Variants in ASTN2 observed in about 807,000 individuals in gnomAD.
ASTN2 encodes astrotactin-2.
A neutral mutation model predicts 139.8 loss-of-function variants in ASTN2; 54 were observed. That is an observed-to-expected ratio of 0.39 (90% CI 0.31 to 0.48). ASTN2 has a LOEUF of 0.48. Ranked by LOEUF, ASTN2 falls within the 20% of genes least tolerant of loss-of-function variation. The pLI is 0.95. For missense variants in ASTN2, 1,565 were observed against 1,725.1 expected, an observed-to-expected ratio of 0.91 and a Z score of 1.64; for synonymous variants, 756 against 719.5, an observed-to-expected ratio of 1.05 and a Z score of -0.81.
At chr9:117,306,066 C>T (rs1286431297) in intron 1 of ASTN2, among the ~76,000 whole-genome samples, 1 of 152,178 alleles carries the variant, frequency 6.6e-6, no homozygotes. Flanking sequence ...TTTGAATATC[C>T]TCTTCAGGCC....
intron 2 of ASTN2, among the ~76,000 whole-genome samples, chr9:117,251,723 T>C (rs1833543773): frequency 6.6e-6 from 1 of 152,138 alleles, no homozygotes; most frequent in South Asian, 2.1e-4. Context: ...ACTGGTAGCA[T>C]TGTGAATGAT....
At chr9:116,682,534 C>T (rs1364677165) in intron 16 of ASTN2, among the ~76,000 whole-genome samples, 3 of 152,096 alleles carry the variant, frequency 2.0e-5, no homozygotes, top group Non-Finnish European at 4.4e-5. Context: ...GGGTATATAC[C>T]CAAAGGACTA....
chr9:117,063,477 C>T (rs1408998284), intron 5 of ASTN2, among the ~76,000 whole-genome samples: 1 of 152,194 alleles, frequency 6.6e-6, no homozygotes, highest in African/African-American at 2.4e-5. Context: ...CTCTCATTCT[C>T]TCTCTTGCCT....
At chr9:117,251,567 T>C (rs1033485266) in intron 2 of ASTN2, among the ~76,000 whole-genome samples, 3 of 152,180 alleles carry the variant, frequency 2.0e-5, no homozygotes, top group Admixed American at 6.5e-5. Context: ...TAAATGAATA[T>C]GTACCTGAAT....
intron 16 of ASTN2, among the ~76,000 whole-genome samples, chr9:116,690,888 A>G (rs905412989): frequency 5.3e-5 from 8 of 152,144 alleles, no homozygotes; most frequent in Non-Finnish European, 1.2e-4. Flanking sequence ...TTATGAGAGG[A>G]AGGCAGTGCT....
chr9:116,821,363 G>A (rs1831479291), intron 11 of ASTN2, among the ~76,000 whole-genome samples: 1 of 152,082 alleles, frequency 6.6e-6, no homozygotes, highest in South Asian at 2.1e-4. Flanking sequence ...TGGATCATGG[G>A]GGTGCATACC....
intron 19 of ASTN2, among the ~76,000 whole-genome samples, chr9:116,520,766 A>C (rs1477163979): frequency 3.9e-5 from 6 of 152,240 alleles, no homozygotes; most frequent in Non-Finnish European, 7.4e-5. Flanking sequence ...AGACTCATCC[A>C]AAAAGCTCCT....
At chr9:117,042,754 T>G (rs1360216283) in intron 5 of ASTN2, among the ~76,000 whole-genome samples, 1 of 152,192 alleles carries the variant, frequency 6.6e-6, no homozygotes, top group African/African-American at 2.4e-5. Flanking sequence ...GTTGGCACCT[T>G]GCATTGACCT....
rs1270792302 is a variant in ASTN2, at chr9:117,016,616, C to CTA, written c.1424-8359_1424-8358dup. Among the ~76,000 whole-genome samples the CTA allele has an allele frequency of 1.6e-4, 7 of 42,470 alleles. 1 individual carries two copies. Among genetic ancestry groups the CTA allele is most frequent in the African/African-American group, 3.9e-4 (2 of 5,148 alleles). 27.9% of individuals were successfully genotyped at this position (42,470 alleles called of 152,430 possible). On this transcript the variant is annotated intron_variant, in intron 6 of 22. Transcript: ENST00000313400. ...TTTATATATATATCTATATCTATAT[C>CTA]TATCTATCTATATATATATATATAT...
intron 1 of ASTN2, among the ~76,000 whole-genome samples, chr9:117,296,159 T>A (rs1429766836): frequency 6.6e-6 from 1 of 151,082 alleles, no homozygotes; most frequent in African/African-American, 2.4e-5. Context: ...ACACCTGTAG[T>A]CCCAGCTACT....
At chr9:116,561,005 C>A (rs1323256798) in intron 19 of ASTN2, among the ~76,000 whole-genome samples, 1 of 148,522 alleles carries the variant, frequency 6.7e-6, no homozygotes, top group African/African-American at 2.5e-5. Flanking sequence ...ATAGAGATAT[C>A]TAGATGAACT....
intron 10 of ASTN2, among the ~76,000 whole-genome samples, chr9:116,876,984 T>C (rs1477220156): frequency 6.6e-6 from 1 of 152,232 alleles, no homozygotes; most frequent in Non-Finnish European, 1.5e-5. Context: ...TTTGTCCCTC[T>C]GGGGCTTACA....
chr9:116,783,783 A>C (rs1438014932), intron 13 of ASTN2, among the ~76,000 whole-genome samples: 1 of 152,152 alleles, frequency 6.6e-6, no homozygotes, highest in Admixed American at 6.5e-5. Context: ...CTATGGGCTG[A>C]GGAGGTTCCT....
intron 2 of ASTN2, among the ~76,000 whole-genome samples, chr9:117,223,023 GATA>G (rs2133040538): frequency 6.6e-6 from 1 of 152,294 alleles, no homozygotes; most frequent in South Asian, 2.1e-4. Flanking sequence ...TGGAGAATAA[GATA>G]ATAAGAAAGT....
At chr9:117,018,679 G>A (rs1170340821) in intron 6 of ASTN2, among the ~76,000 whole-genome samples, 1 of 152,140 alleles carries the variant, frequency 6.6e-6, no homozygotes, top group Non-Finnish European at 1.5e-5. Flanking sequence ...AGTGACCCTG[G>A]GAAATGCTTG....
chr9:117,110,478 A>C (rs1011663518), intron 4 of ASTN2, among the ~76,000 whole-genome samples: 4 of 152,228 alleles, frequency 2.6e-5, no homozygotes, highest in African/African-American at 9.6e-5. Flanking sequence ...AATGTAGAAA[A>C]TACTTACATT....
At chr9:116,430,552 T>C (rs1227298981) in intron 22 of ASTN2, among the ~76,000 whole-genome samples, 1 of 152,206 alleles carries the variant, frequency 6.6e-6, no homozygotes, top group Non-Finnish European at 1.5e-5. Context: ...AAGCAGAATA[T>C]TATCGTGAAA....
chr9:117,287,653 C>T (rs1564127351), intron 2 of ASTN2, among the ~76,000 whole-genome samples: 3 of 152,148 alleles, frequency 2.0e-5, no homozygotes, highest in Non-Finnish European at 4.4e-5. Flanking sequence ...CACTGCCTGG[C>T]ATACAGTAAA....
rs1301058304 is a variant in ASTN2, at chr9:117,250,374, G to T, written c.631-35632C>A. 4.6e-5 allele frequency among the ~76,000 whole-genome samples: 7 copies of T among 152,292 alleles called. No individual in the cohort carries two copies. In the East Asian group the frequency reaches 9.6e-4, roughly 21 times the overall value. ...GACAGAAGGACTGATAACCTATAAAGTAGTTTATACATGTAAGGAATGATT... is the reference window on the plus strand; with the variant it reads ...GACAGAAGGACTGATAACCTATAAATTAGTTTATACATGTAAGGAATGATT... On this transcript the variant is annotated intron_variant, in intron 2 of 22. Transcript: ENST00000313400.
Sources: gnomAD v4.1 joint callset for allele counts (sites outside exome capture counted in the v4.1 genomes callset) on GRCh38, gnomAD v4.1.1 for gene constraint, MANE v1.5 for transcripts, NCBI Gene and HGNC (gene_info 2026-07-23, HGNC 2026-07-21) for gene names.